DPYD: variants seen among roughly 807,000 people sequenced by gnomAD.
The protein encoded by DPYD is dihydropyrimidine dehydrogenase.
A neutral mutation model predicts 116.2 loss-of-function variants in DPYD; 109 were observed. That is an observed-to-expected ratio of 0.94 (90% CI 0.80 to 1.10). The LOEUF (loss-of-function observed/expected upper bound fraction) is 1.10, where lower values mean the gene tolerates loss of function less well. Among genes scored for constraint, DPYD ranks in the 50% least tolerant of loss-of-function variants. The probability of loss-of-function intolerance (pLI) is 0.00; values close to 1 mark genes in which losing one functional copy is unlikely to be tolerated. For synonymous variants in DPYD, 440 were observed against 432.0 expected (o/e 1.02, Z -0.23); for missense variants, 1,302 against 1,254.5 (o/e 1.04, Z -0.57).
chr1:97,308,614 C>T (rs936235059), intron 16 of DPYD, among the ~76,000 whole-genome samples: 9 of 151,744 alleles, frequency 5.9e-5, no homozygotes, highest in South Asian at 4.1e-4. Flanking sequence ...AGGGAATTCA[C>T]GAATAGACTG....
intron 16 of DPYD, among the ~76,000 whole-genome samples, chr1:97,365,629 TA>T (rs1400074045): frequency 6.6e-6 from 1 of 152,030 alleles, no homozygotes; most frequent in Non-Finnish European, 1.5e-5. Context: ...CCAAGTAAGT[TA>T]AAAAAATCCA....
At chr1:97,835,412 A>T (rs569336512) in intron 2 of DPYD, among the ~76,000 whole-genome samples, 2 of 152,216 alleles carry the variant, frequency 1.3e-5, no homozygotes, top group Non-Finnish European at 2.9e-5. Flanking sequence ...AGATAGAATG[A>T]ATCTCATTTC....
chr1:97,219,666 T>C (rs1032915453), intron 19 of DPYD, among the ~76,000 whole-genome samples: 1 of 152,070 alleles, frequency 6.6e-6, no homozygotes, highest in East Asian at 1.9e-4. Context: ...ATAAAAACCA[T>C]TATTTAAAAA....
intron 3 of DPYD, among the ~76,000 whole-genome samples, chr1:97,765,429 T>G (rs1441318342): frequency 1.3e-5 from 2 of 152,144 alleles, no homozygotes; most frequent in Non-Finnish European, 2.9e-5. Flanking sequence ...AGGTATAAGC[T>G]CACAGGACAC....
intron 16 of DPYD, among the ~76,000 whole-genome samples, chr1:97,337,291 A>T (rs1306882774): frequency 2.0e-5 from 3 of 152,192 alleles, no homozygotes; most frequent in Non-Finnish European, 4.4e-5. Flanking sequence ...CGAAAGGAGA[A>T]GTTCTTCTAT....
rs1028849890 is a variant in DPYD at position 97,206,207 on chromosome 1, C to G, written c.2443-12959G>C. ...GGGACAGGGGAGGCAAGGAGCTACT[C>G]AAAATCCATATCCTTTAAGGGTGGA... On this transcript the variant is annotated intron_variant, in intron 19 of 22. Transcript: ENST00000370192. Among the ~76,000 whole-genome samples, 4 of 151,836 alleles carry G rather than the reference C, an allele frequency of 2.6e-5. No homozygotes were observed. The East Asian group carries it at 5.8e-4, about 22-fold the overall frequency.
rs191300696 is a variant in DPYD, at chr1:97,252,456, C to A, written c.2300-17462G>T. 1.6e-4 allele frequency among the ~76,000 whole-genome samples: 25 copies of A among 152,136 alleles called. 1 individual carries two copies. Among genetic ancestry groups the A allele is most frequent in the Admixed American group, 1.6e-3 (25 of 15,280 alleles). On this transcript the variant is annotated intron_variant, in intron 18 of 22. Coordinates refer to ENST00000370192, the MANE Select transcript of DPYD (RefSeq NM_000110.4). ...CGTAGATGCTCTTTCTTGTTTTTTT[C>A]CAATTTATATTGTTGACATAAGTGT...
At chr1:97,488,306 A>T (rs756998858) in intron 13 of DPYD, among the ~76,000 whole-genome samples, 25 of 152,288 alleles carry the variant, frequency 1.6e-4, no homozygotes, top group Admixed American at 3.9e-4. Flanking sequence ...AGTAAGTGTG[A>T]CTACAAAAGG....
chr1:97,574,740 C>G (rs568856794), intron 10 of DPYD, among the ~76,000 whole-genome samples: 100 of 152,184 alleles, frequency 6.6e-4, no homozygotes, highest in Non-Finnish European at 1.3e-3. Context: ...GAAATCCAGG[C>G]CTTTGTCAAT....
intron 1 of DPYD, among the ~76,000 whole-genome samples, chr1:97,903,499 A>G (rs1420208407): frequency 6.6e-6 from 1 of 151,880 alleles, no homozygotes; most frequent in Non-Finnish European, 1.5e-5. Flanking sequence ...AATGGTCAAA[A>G]CATGTTGGTC....
At chr1:97,169,348 G>T (rs1236960063) in intron 20 of DPYD, among the ~76,000 whole-genome samples, 3 of 151,970 alleles carry the variant, frequency 2.0e-5, no homozygotes, top group Admixed American at 2.0e-4. Context: ...AATCCATAAT[G>T]TATTCTTTTC....
At chr1:97,466,360 G>T (rs1469380514) in intron 13 of DPYD, among the ~76,000 whole-genome samples, 4 of 152,106 alleles carry the variant, frequency 2.6e-5, no homozygotes, top group African/African-American at 9.7e-5. Context: ...ATGGTTATAA[G>T]GAACATCATC....
intron 16 of DPYD, among the ~76,000 whole-genome samples, chr1:97,323,141 A>G (rs1353060043): frequency 2.7e-5 from 4 of 149,654 alleles, no homozygotes; most frequent in Non-Finnish European, 1.5e-5. Flanking sequence ...GTGTTTATGT[A>G]TAGGCATATA....
intron 6 of DPYD, among the ~76,000 whole-genome samples, chr1:97,696,661 T>C (rs955830001): frequency 2.0e-5 from 3 of 152,106 alleles, no homozygotes; most frequent in Non-Finnish European, 4.4e-5. Context: ...CAGTGGAAAG[T>C]CAGACAACAT....
chr1:97,424,305 A>G (rs1241697691), intron 14 of DPYD, among the ~76,000 whole-genome samples: 3 of 152,200 alleles, frequency 2.0e-5, no homozygotes, highest in African/African-American at 7.2e-5. Context: ...TAGTTTATGC[A>G]GAAATAACCA....
intron 12 of DPYD, among the ~76,000 whole-genome samples, chr1:97,529,571 C>T (rs1162479517): frequency 1.3e-5 from 2 of 152,082 alleles, no homozygotes. Flanking sequence ...ACTCATGTTA[C>T]TATCACTACA....
intron 19 of DPYD, among the ~76,000 whole-genome samples, chr1:97,226,869 T>C (rs1312803851): frequency 1.3e-5 from 2 of 152,080 alleles, no homozygotes; most frequent in Non-Finnish European, 2.9e-5. Context: ...AAAAAATCAC[T>C]GAAGAGTTTT....
chr1:97,105,355 A>G (rs1462008338), intron 20 of DPYD, among the ~76,000 whole-genome samples: 2 of 152,086 alleles, frequency 1.3e-5, no homozygotes, highest in Non-Finnish European at 2.9e-5. Context: ...TATGAGGCTG[A>G]AGGACTTTTA....
At chr1:97,299,983 T>G (rs546127997) in intron 18 of DPYD, among the ~76,000 whole-genome samples, 2 of 152,262 alleles carry the variant, frequency 1.3e-5, no homozygotes, top group East Asian at 3.9e-4. Context: ...TTTCTAATGG[T>G]AAGCCTCTCT....
Sources: gnomAD v4.1 joint callset for allele counts (sites outside exome capture counted in the v4.1 genomes callset) on GRCh38, gnomAD v4.1.1 for gene constraint, MANE v1.5 for transcripts, NCBI Gene and HGNC (gene_info 2026-07-23, HGNC 2026-07-21) for gene names.